XKR9: variants seen among roughly 807,000 people sequenced by gnomAD.
XKR9 encodes XK related 9.
Under a neutral mutation model 32.0 loss-of-function variants are expected in XKR9, and 32 were observed. The observed-to-expected ratio is 1.00, with a 90% CI of 0.76 to 1.34. The LOEUF (loss-of-function observed/expected upper bound fraction) is 1.34. Among genes scored for constraint, XKR9 ranks in the 40% most tolerant of loss-of-function variants. The pLI, the probability that XKR9 is intolerant of heterozygous loss-of-function variation, is 0.00. For missense variants in XKR9, 546 were observed against 429.7 expected (o/e 1.27, Z -2.39); for synonymous variants, 168 against 143.4 (o/e 1.17, Z -1.22).
At chr8:70,687,557 A>AT (rs1819346948) in intron 3 of XKR9, among the ~76,000 whole-genome samples, 1 of 151,810 alleles carries the variant, frequency 6.6e-6, no homozygotes, top group African/African-American at 2.4e-5. Flanking sequence ...TTTTGTACAG[A>AT]TGGGGCCTCA....
the XKR9 span, among the ~76,000 whole-genome samples, chr8:70,921,943 T>G: frequency 3.5e-4 from 53 of 152,294 alleles, no homozygotes; most frequent in African/African-American, 1.3e-3. Context: ...TACTACTTAC[T>G]AAATATACAT....
intron 4 of XKR9, among the ~76,000 whole-genome samples, chr8:70,728,447 G>T (rs753447739): frequency 6.6e-6 from 1 of 152,148 alleles, no homozygotes; most frequent in Admixed American, 6.5e-5. Flanking sequence ...GCATGTTAAA[G>T]GCGTTAGTAT....
chr8:70,698,672 G>A (rs1165796618), intron 3 of XKR9, among the ~76,000 whole-genome samples: 16 of 152,106 alleles, frequency 1.1e-4, no homozygotes, highest in Non-Finnish European at 2.2e-4. Context: ...TTGATTTGGG[G>A]TGGAGAGTTC....
At chr8:71,021,016 G>T in the XKR9 span, among the ~76,000 whole-genome samples, 1 of 152,152 alleles carries the variant, frequency 6.6e-6, no homozygotes, top group Non-Finnish European at 1.5e-5. Context: ...TTGACTTCTG[G>T]TGAGGGCCTT....
chr8:70,971,984 T>G, the XKR9 span, among the ~76,000 whole-genome samples: 1 of 152,104 alleles, frequency 6.6e-6, no homozygotes, highest in Non-Finnish European at 1.5e-5. Flanking sequence ...TTGTTTTTTC[T>G]AGTTCTGTGA....
the XKR9 span, among the ~76,000 whole-genome samples, chr8:71,050,300 T>G: frequency 1.4e-5 from 2 of 142,534 alleles, no homozygotes; most frequent in African/African-American, 2.6e-5. Context: ...TAGATATATA[T>G]ATAGATATAG....
At chr8:70,724,941 A>G (rs964856087) in intron 4 of XKR9, among the ~76,000 whole-genome samples, 3 of 152,162 alleles carry the variant, frequency 2.0e-5, no homozygotes, top group African/African-American at 7.2e-5. Flanking sequence ...AGATTGGGTA[A>G]TTTATAAAGA....
At chr8:70,730,230 C>G (rs889732350) in intron 4 of XKR9, among the ~76,000 whole-genome samples, 3 of 152,066 alleles carry the variant, frequency 2.0e-5, no homozygotes, top group African/African-American at 7.2e-5. Flanking sequence ...ACATAAAAAT[C>G]TTTTTCAAAT....
At chr8:70,747,645 C>G (rs1807077322) in intron 2 of XKR9, among the ~76,000 whole-genome samples, 2 of 152,110 alleles carry the variant, frequency 1.3e-5, no homozygotes, top group African/African-American at 2.4e-5. Flanking sequence ...TATAAATTAT[C>G]CAGTTTGAGG....
the XKR9 span, among the ~76,000 whole-genome samples, chr8:70,915,474 C>A: frequency 6.6e-6 from 1 of 152,070 alleles, no homozygotes; most frequent in African/African-American, 2.4e-5. Context: ...AGATTAAAAG[C>A]AATATGGGGT....
chr8:70,993,659 T>TTCCTTCCTTCCTCCCA, the XKR9 span, among the ~76,000 whole-genome samples: 1 of 144,068 alleles, frequency 6.9e-6, no homozygotes, highest in Non-Finnish European at 1.5e-5. Context: ...CCTTCCTTCC[T>TTCCTTCCTTCCTCCCA]TCCTTCCTTC....
At chr8:70,743,314 A>G (rs1807014517) in intron 2 of XKR9, among the ~76,000 whole-genome samples, 1 of 152,062 alleles carries the variant, frequency 6.6e-6, no homozygotes, top group Non-Finnish European at 1.5e-5. Flanking sequence ...TTTTCTTTAT[A>G]TCCTTGATCA....
chr8:70,756,004 A>G (rs1407964348), intron 2 of XKR9, among the ~76,000 whole-genome samples: 1 of 152,202 alleles, frequency 6.6e-6, no homozygotes, highest in Non-Finnish European at 1.5e-5. Flanking sequence ...TAATATATGC[A>G]TTAGATTTAC....
chr8:70,886,988 C>G, the XKR9 span, among the ~76,000 whole-genome samples: 2 of 152,008 alleles, frequency 1.3e-5, no homozygotes, highest in Admixed American at 6.6e-5. Context: ...CTAGTCAGCT[C>G]TCTTATTCTT....
chr8:70,672,889 G>A (rs191233378), intron 1 of XKR9, among the ~76,000 whole-genome samples: 39 of 152,212 alleles, frequency 2.6e-4, no homozygotes, highest in African/African-American at 6.5e-4. Context: ...TTCATGTTCT[G>A]TACCCTCTTT....
chr8:70,865,922 G>A, the XKR9 span, among the ~76,000 whole-genome samples: 4 of 152,066 alleles, frequency 2.6e-5, no homozygotes, highest in African/African-American at 9.7e-5. Flanking sequence ...ATGCTAATTC[G>A]AGCACTTTTT....
At chr8:70,857,571 T>C in the XKR9 span, among the ~76,000 whole-genome samples, 1 of 152,184 alleles carries the variant, frequency 6.6e-6, no homozygotes, top group Non-Finnish European at 1.5e-5. Context: ...TCTGAAACTA[T>C]TCCAATCAAT....
chr8:70,981,626 G>C, the XKR9 span, among the ~76,000 whole-genome samples: 3 of 152,060 alleles, frequency 2.0e-5, no homozygotes, highest in Non-Finnish European at 2.9e-5. Flanking sequence ...TTGACCTTCT[G>C]AATTCTTTTT....
At chr8:70,930,798 T>C in the XKR9 span, among the ~76,000 whole-genome samples, 2 of 152,154 alleles carry the variant, frequency 1.3e-5, no homozygotes, top group African/African-American at 4.8e-5. Context: ...TTTAGCAGTG[T>C]CTATCTAATG....
Sources: allele counts gnomAD v4.1 joint callset (sites outside exome capture counted in the v4.1 genomes callset), GRCh38; gene constraint gnomAD v4.1.1; transcripts MANE v1.5; gene names NCBI Gene and HGNC (gene_info 2026-07-23, HGNC 2026-07-21).